The following NRXN1 variants were observed in gnomAD, a reference collection of about 807,000 sequenced individuals.
NRXN1 encodes the protein neurexin 1, also known as neurexin-1.
In NRXN1, 39 loss-of-function variants were observed where a neutral mutation model predicts 150.9. The observed-to-expected ratio is 0.26, with a 90% confidence interval of 0.20 to 0.34. The LOEUF is 0.34. NRXN1 is among the 10% of genes least tolerant of loss of function. The probability of loss-of-function intolerance (pLI) is 1.00; values close to 1 mark genes in which losing one functional copy is unlikely to be tolerated. For missense variants in NRXN1, 1,815 were observed against 1,949.9 expected (o/e 0.93, Z 1.30); for synonymous variants, 924 against 757.0 (o/e 1.22, Z -3.62).
At chr2:50,568,477 C>A (rs1249482454) in intron 8 of NRXN1, among the ~76,000 whole-genome samples, 3 of 151,974 alleles carry the variant, frequency 2.0e-5, no homozygotes, top group Admixed American at 6.6e-5. Flanking sequence ...TTAAAATGGG[C>A]AAAAGATCTG....
intron 5 of NRXN1, among the ~76,000 whole-genome samples, chr2:50,717,346 C>T (rs1695998591): frequency 6.6e-6 from 1 of 152,108 alleles, no homozygotes; most frequent in South Asian, 2.1e-4. Context: ...CTTCCTGGTA[C>T]CCCAAAAGCT....
At chr2:50,302,418 G>C (rs1030487579) in intron 17 of NRXN1, among the ~76,000 whole-genome samples, 3 of 152,132 alleles carry the variant, frequency 2.0e-5, no homozygotes, top group Admixed American at 6.5e-5. Flanking sequence ...ACTAATTGCA[G>C]ATTCAAGATA....
chr2:50,222,400 C>T (rs76375894), intron 18 of NRXN1, among the ~76,000 whole-genome samples: 22 of 151,940 alleles, frequency 1.4e-4, no homozygotes, highest in Non-Finnish European at 3.1e-4. Flanking sequence ...ATAATGAGAC[C>T]AATTTGCTTT....
Position 50,346,547 on chromosome 2 carries a change from A to G in NRXN1, c.3365-109577T>C. On this transcript the variant is annotated intron_variant, in intron 17 of 22. Transcript: ENST00000401669. This position sits in a 1 kb window ranked among gnomAD's most constrained non-coding sequence, Gnocchi z 5.0. ...CCTTTCTATTGTCTTCAAAGAGATA[A>G]GTGGCTCGCACCAAGCACACCCAAA... 1 of 842,628 alleles carries G rather than the reference A, an allele frequency of 1.2e-6. No homozygotes were observed. The highest frequency in any genetic ancestry group is 1.9e-6 in the Non-Finnish European group (1 of 516,066). The allele number at this position is 842,628 out of a possible 1,614,324, so 52.2% of individuals were successfully genotyped here.
chr2:50,367,806 C>T (rs1317365940), intron 17 of NRXN1, among the ~76,000 whole-genome samples: 2 of 151,970 alleles, frequency 1.3e-5, no homozygotes, highest in East Asian at 1.9e-4. Context: ...GTGCTTACCA[C>T]CTATTTGGCA....
chr2:50,828,275 AC>A (rs759716124), intron 5 of NRXN1, among the ~76,000 whole-genome samples: 11,645 of 123,374 alleles, frequency 0.094, 643 homozygotes, highest in Admixed American at 0.099. Flanking sequence ...CGGGGGGCTG[AC>A]CCCCCCCACC....
chr2:50,802,696 C>A (rs1443761121), intron 5 of NRXN1, among the ~76,000 whole-genome samples: 1 of 151,862 alleles, frequency 6.6e-6, no homozygotes, highest in African/African-American at 2.4e-5. Context: ...GAGGTAAAAT[C>A]AAGTTAAAAT....
intron 17 of NRXN1, among the ~76,000 whole-genome samples, chr2:50,429,506 C>G (rs2084776481): frequency 6.6e-6 from 1 of 152,164 alleles, no homozygotes; most frequent in Non-Finnish European, 1.5e-5. Flanking sequence ...ATCCACCCAC[C>G]TTTGCCTCCC....
chr2:50,539,988 T>C (rs2093353308), intron 9 of NRXN1, among the ~76,000 whole-genome samples: 1 of 152,184 alleles, frequency 6.6e-6, no homozygotes, highest in South Asian at 2.1e-4. Flanking sequence ...TGGGCCCTGA[T>C]GTGCCCAGGA....
Position 49,919,672 on chromosome 2 carries a change from ATTAT to A in NRXN1, c.*2268_*2271del, listed in dbSNP as rs1158007878. 1 of 152,098 alleles carries A rather than the reference ATTAT, an allele frequency of 6.6e-6. No homozygotes were observed. The highest frequency in any genetic ancestry group is 2.4e-5 in the African/African-American group (1 of 41,440). 9.4% of individuals were successfully genotyped at this position (152,098 alleles called of 1,614,324 possible). Reference sequence around the variant, plus strand: ...ACGGGGGAAAAGAAAAGACTCGTGAATTATTTAATGTGGCAAATTAAAAAAAATG... The same window carrying A: ...ACGGGGGAAAAGAAAAGACTCGTGAATTAATGTGGCAAATTAAAAAAAATG... On this transcript the variant is annotated 3_prime_UTR_variant, in exon 23 of 23. Coordinates refer to ENST00000401669, the MANE Select transcript of NRXN1 (RefSeq NM_001330078.2).
intron 5 of NRXN1, among the ~76,000 whole-genome samples, chr2:50,756,751 A>T (rs998171299): frequency 1.3e-5 from 2 of 151,708 alleles, no homozygotes; most frequent in African/African-American, 2.4e-5. Flanking sequence ...CCACATCAAA[A>T]TTTTTTTTGT....
At chr2:50,168,501 A>G (rs930564093) in intron 18 of NRXN1, among the ~76,000 whole-genome samples, 1 of 152,200 alleles carries the variant, frequency 6.6e-6, no homozygotes, top group Admixed American at 6.5e-5. Flanking sequence ...GAGAAAAGCT[A>G]TTAGGAAGTA....
intron 21 of NRXN1, among the ~76,000 whole-genome samples, chr2:49,997,380 T>G (rs1683170800): frequency 6.6e-6 from 1 of 152,148 alleles, no homozygotes; most frequent in Admixed American, 6.5e-5. Flanking sequence ...TTATATTAAG[T>G]ATTATTAGCT....
intron 5 of NRXN1, among the ~76,000 whole-genome samples, chr2:50,699,274 C>T (rs1693388902): frequency 6.6e-6 from 1 of 152,128 alleles, no homozygotes; most frequent in Non-Finnish European, 1.5e-5. Flanking sequence ...GATTCACCAC[C>T]CAAGGTAGAC....
rs538245417 is a variant in NRXN1 at position 50,285,184 on chromosome 2, C to G, written c.3365-48214G>C. 4.6e-5 allele frequency among the ~76,000 whole-genome samples: 7 copies of G among 152,320 alleles called. No homozygotes were observed. In the South Asian group the frequency reaches 1.2e-3, roughly 27 times the overall value. ...AACAAGAACAAACATGGTGTGCCCA[C>G]TGAGTGCTTTCAAACTGCATTCCTT... On this transcript the variant is annotated intron_variant, in intron 17 of 22. Transcript: ENST00000401669.
chr2:50,491,568 AGAAGACAAT>A (rs2091256561), intron 15 of NRXN1, among the ~76,000 whole-genome samples: 1 of 152,190 alleles, frequency 6.6e-6, no homozygotes. Context: ...GGGCAAGATC[AGAAGACAAT>A]GAAGACAATG....
At chr2:50,946,773 T>C (rs889098856) in intron 2 of NRXN1, among the ~76,000 whole-genome samples, 12 of 152,148 alleles carry the variant, frequency 7.9e-5, no homozygotes. Context: ...TGATTTAAAC[T>C]TTAAAAAATC....
chr2:50,169,975 C>T (rs2059928559), intron 18 of NRXN1, among the ~76,000 whole-genome samples: 1 of 151,854 alleles, frequency 6.6e-6, no homozygotes, highest in South Asian at 2.1e-4. Flanking sequence ...TGACTTTGTT[C>T]TACAGGTCAG....
chr2:50,850,906 C>A (rs979429385), intron 5 of NRXN1, among the ~76,000 whole-genome samples: 1 of 151,996 alleles, frequency 6.6e-6, no homozygotes, highest in African/African-American at 2.4e-5. Flanking sequence ...AATGTGATTG[C>A]CTAGAAAATA....
Sources: gnomAD v4.1 joint callset for allele counts (sites outside exome capture counted in the v4.1 genomes callset) on GRCh38, gnomAD v4.1.1 for gene constraint, Gnocchi (gnomAD v3.1) non-coding constraint, MANE v1.5 for transcripts, NCBI Gene and HGNC (gene_info 2026-07-23, HGNC 2026-07-21) for gene names.